The following PLXDC1 variants were observed in gnomAD, a reference collection of about 807,000 sequenced individuals.
The protein encoded by PLXDC1 is plexin domain-containing protein 1.
Under a neutral mutation model 61.3 loss-of-function variants are expected in PLXDC1, and 39 were observed. The ratio of observed to expected loss-of-function variants is 0.64; its 90% CI spans 0.49 to 0.83. PLXDC1 has a LOEUF of 0.83. Ranked by LOEUF, PLXDC1 falls within the 40% of genes least tolerant of loss-of-function variation. PLXDC1 has a pLI of 0.00. For missense variants in PLXDC1, 596 were observed against 666.5 expected (o/e 0.89, Z 1.17); for synonymous variants, 212 against 254.5 (o/e 0.83, Z 1.59).
At chr17:39,118,024 G>A (rs1407576400) in intron 2 of PLXDC1, among the ~76,000 whole-genome samples, 3 of 151,886 alleles carry the variant, frequency 2.0e-5, no homozygotes, top group Non-Finnish European at 4.4e-5. Context: ...CCACCTACCC[G>A]CGGCGTTCTA....
chr17:39,065,609 C>T lies in PLXDC1; in HGVS notation c.*2231G>A, dbSNP rs1159768467. 1 of 152,154 alleles carries T rather than the reference C, an allele frequency of 6.6e-6. No homozygotes were observed. The highest frequency in any genetic ancestry group is 1.5e-5 in the Non-Finnish European group (1 of 68,130). 9.4% of individuals were successfully genotyped at this position (152,154 alleles called of 1,614,324 possible). A position where few individuals can be genotyped will look rare whatever the true frequency, so the allele number is the denominator to read the frequency against. On this transcript the variant is annotated 3_prime_UTR_variant, in exon 14 of 14. Coordinates refer to ENST00000315392, the MANE Select transcript of PLXDC1 (RefSeq NM_020405.5). The stretch of plus-strand genomic sequence containing the variant: ...CAAGCTGGTCTCAAACCCCTGGGCT[C>T]AAGCAACCCTCCCACCTCAGCCTCC...
At chr17:39,086,859 C>CAAAAAAAAA (rs765774886) in intron 8 of PLXDC1, among the ~76,000 whole-genome samples, 771 of 71,466 alleles carry the variant, frequency 0.011, 51 homozygotes, top group African/African-American at 0.022. Flanking sequence ...GAGACTGTCT[C>CAAAAAAAAA]AAAAAAAAAA....
In PLXDC1 at chr17:39,139,672, A is replaced by G. The variant is rs1597660794; in HGVS notation, c.237T>C (p.Asp79=). Residue 79 remains aspartate (D), a synonymous_variant, in exon 2 of 14, where the codon GAT becomes GAC. Transcript: ENST00000315392. ...CACTCACCACCACCCTGGTCCTGTTATCTGGCAGCGTGTCCATGGCCAGGG... is the reference window on the plus strand; with the variant it reads ...CACTCACCACCACCCTGGTCCTGTTGTCTGGCAGCGTGTCCATGGCCAGGG... ...GGTLAMDTLP[D]NRTRVVEDNH... 3.1e-6 allele frequency: 5 copies of G among 1,609,756 alleles called. No individual in the cohort carries two copies. The highest frequency in any genetic ancestry group is 1.7e-6 in the Non-Finnish European group (2 of 1,178,188).
chr17:39,107,338 T>C (rs1194312377), intron 6 of PLXDC1, 69 bp downstream of exon 6: 1 of 950,258 alleles, frequency 1.1e-6, no homozygotes, highest in African/African-American at 1.6e-5. Flanking sequence ...ACATTGCAAA[T>C]TCTCTAAATA....
chr17:39,115,181 C>A (rs1461588903), intron 2 of PLXDC1, among the ~76,000 whole-genome samples: 1 of 152,236 alleles, frequency 6.6e-6, no homozygotes, highest in African/African-American at 2.4e-5. Context: ...TCCCGATGAC[C>A]CCTGCAATGG....
chr17:39,096,469 A>C (rs1910206105), intron 7 of PLXDC1, among the ~76,000 whole-genome samples: 1 of 152,176 alleles, frequency 6.6e-6, no homozygotes, highest in African/African-American at 2.4e-5. Flanking sequence ...CCCTGCACCC[A>C]CTTCCTCACG....
intron 7 of PLXDC1, among the ~76,000 whole-genome samples, chr17:39,092,776 A>C (rs1910005166): frequency 6.6e-6 from 1 of 152,232 alleles, no homozygotes; most frequent in African/African-American, 2.4e-5. Context: ...AAAGTCACCA[A>C]AGTTGTGAGT....
At chr17:39,090,633 G>A (rs1021625087) in intron 7 of PLXDC1, among the ~76,000 whole-genome samples, 1 of 152,164 alleles carries the variant, frequency 6.6e-6, no homozygotes, top group African/African-American at 2.4e-5. Flanking sequence ...CCATGCAAAT[G>A]GTGTTGTCCT....
At chr17:39,135,133 G>A (rs557259214) in intron 2 of PLXDC1, among the ~76,000 whole-genome samples, 2 of 152,264 alleles carry the variant, frequency 1.3e-5, no homozygotes, top group Admixed American at 1.3e-4. Context: ...TGAGGCCTTC[G>A]GGTTCCTGAC....
At chr17:39,107,282 C>T (rs1028066664) in intron 6 of PLXDC1, 125 bp downstream of exon 6, 2 of 639,896 alleles carry the variant, frequency 3.1e-6, no homozygotes, top group Admixed American at 5.4e-5. Flanking sequence ...GACCCGCAAA[C>T]ATCTTGTTAA....
chr17:39,129,305 G>A (rs1422469484), intron 2 of PLXDC1, among the ~76,000 whole-genome samples: 291 of 113,340 alleles, frequency 2.6e-3, no homozygotes, highest in Middle Eastern at 0.014. Context: ...GCGACAGAGC[G>A]AGACTCTGTC....
In PLXDC1 at chr17:39,139,732, G is replaced by A. The variant is rs1463256523; in HGVS notation, c.177C>T (p.Asp59=). The A allele has an allele frequency of 5.0e-6, 8 of 1,614,022 alleles. No homozygotes were observed. Among genetic ancestry groups the A allele is most frequent in the Non-Finnish European group, 5.9e-6 (7 of 1,180,018 alleles). The change falls in exon 2 of 14, where the codon GAC becomes GAT. Residue 59 remains aspartate (D), a synonymous_variant. Coordinates refer to ENST00000315392, the MANE Select transcript of PLXDC1 (RefSeq NM_020405.5). ...CCAGGTCCTGGCTCAGCTGGGTCCT[G>A]TCCGGCTCTGACACATGCCCAGGGC... ...RESPGHVSEP[D]RTQLSQDLGG...
At chr17:39,109,431 A>T (rs896051227) in intron 2 of PLXDC1, 40 bp from the exon 3 acceptor site, 1 of 1,554,034 alleles carries the variant, frequency 6.4e-7, no homozygotes, top group Non-Finnish European at 8.7e-7. Flanking sequence ...AGGTGTGAGT[A>T]GTCAGCATGC....
At chr17:39,072,216 G>A in intron 12 of PLXDC1, 1 of 563,604 alleles carries the variant, frequency 1.8e-6, no homozygotes, top group Non-Finnish European at 3.2e-6. Context: ...AGAACCACAG[G>A]AGGTTCAGGG....
At chr17:39,084,402 A>G (rs1909669520) in intron 8 of PLXDC1, among the ~76,000 whole-genome samples, 1 of 152,264 alleles carries the variant, frequency 6.6e-6, no homozygotes, top group Admixed American at 6.5e-5. Context: ...CATGGTAACC[A>G]TCTCACTGTC....
intron 2 of PLXDC1, among the ~76,000 whole-genome samples, chr17:39,122,196 A>C (rs1911185021): frequency 6.6e-6 from 1 of 150,564 alleles, no homozygotes; most frequent in African/African-American, 2.4e-5. Context: ...TGAAGTCAGG[A>C]GTTTGAGACC....
intron 7 of PLXDC1, among the ~76,000 whole-genome samples, chr17:39,101,379 A>C (rs1910413755): frequency 6.6e-6 from 1 of 152,200 alleles, no homozygotes; most frequent in Admixed American, 6.5e-5. Flanking sequence ...CTGGGGCACA[A>C]AGGCCTCATG....
chr17:39,096,614 A>G (rs1367647827), intron 7 of PLXDC1, among the ~76,000 whole-genome samples: 1 of 152,168 alleles, frequency 6.6e-6, no homozygotes, highest in Non-Finnish European at 1.5e-5. Context: ...AGGACAGGAA[A>G]GTTCCGGTAA....
At chr17:39,130,068 A>G (rs1465967645) in intron 2 of PLXDC1, among the ~76,000 whole-genome samples, 1 of 152,246 alleles carries the variant, frequency 6.6e-6, no homozygotes, top group African/African-American at 2.4e-5. Flanking sequence ...TCATAGAAAT[A>G]AAACACAGAT....
Sources: gnomAD v4.1 joint callset for allele counts (sites outside exome capture counted in the v4.1 genomes callset) on GRCh38, gnomAD v4.1.1 for gene constraint, MANE v1.5 for transcripts, NCBI Gene and HGNC (gene_info 2026-07-23, HGNC 2026-07-21) for gene names.